Variants in ARL8B observed in about 807,000 individuals in gnomAD.
ARL8B encodes the protein ARF like GTPase 8B, also known as ADP-ribosylation factor-like protein 8B.
A neutral mutation model predicts 30.6 loss-of-function variants in ARL8B; 9 were observed. The ratio of observed to expected loss-of-function variants is 0.29; its 90% CI spans 0.18 to 0.51. The LOEUF is 0.51. Among genes scored for constraint, ARL8B ranks in the 20% least tolerant of loss-of-function variants. The pLI is 0.97. For missense variants in ARL8B, 130 were observed against 227.2 expected (o/e 0.57, Z 2.75); for synonymous variants, 74 against 76.0 (o/e 0.97, Z 0.14).
At position 5,174,434 on chromosome 3, in the gene ARL8B, T is replaced by G; in HGVS notation, c.511+20T>G. 8 of 1,520,458 alleles carry G rather than the reference T, an allele frequency of 5.3e-6. No individual in the cohort carries two copies. The highest frequency in any genetic ancestry group is 7.3e-6 in the Non-Finnish European group (8 of 1,096,346). The allele number at this position is 1,520,458 out of a possible 1,614,324, so 94.2% of individuals were successfully genotyped here. A position where few individuals can be genotyped will look rare whatever the true frequency, so the allele number is the denominator to read the frequency against. On this transcript the variant is annotated intron_variant, in intron 6 of 6. Coordinates refer to ENST00000256496, the MANE Select transcript of ARL8B (RefSeq NM_018184.3). ...ATATAGGTAAGAAATGACTGGTAATTTTGGAAGAAATGGGTATCATTGGAA... is the reference window on the plus strand; with the variant it reads ...ATATAGGTAAGAAATGACTGGTAATGTTGGAAGAAATGGGTATCATTGGAA...
chr3:5,169,571 T>C (rs2054653184), intron 1 of ARL8B, among the ~76,000 whole-genome samples: 1 of 151,566 alleles, frequency 6.6e-6, no homozygotes, highest in Admixed American at 6.6e-5. Context: ...TTTTTTCTTT[T>C]CCTCTTAATA....
chr3:5,177,270 G>A (rs191996484), intron 6 of ARL8B, among the ~76,000 whole-genome samples: 4 of 152,150 alleles, frequency 2.6e-5, no homozygotes, highest in Non-Finnish European at 5.9e-5. Context: ...AGGTTGTCAA[G>A]CCCAAGGAAT....
chr3:5,139,783 C>T (rs769423624), intron 1 of ARL8B, among the ~76,000 whole-genome samples: 17 of 152,166 alleles, frequency 1.1e-4, no homozygotes, highest in South Asian at 4.1e-4. Flanking sequence ...TGAAACTGAA[C>T]GGGAAGCAGA....
chr3:5,173,868 A>C (rs1474421393), intron 4 of ARL8B, 149 bp from the exon 5 acceptor site: 1 of 702,066 alleles, frequency 1.4e-6, no homozygotes, highest in Admixed American at 2.5e-5. Context: ...CAATGAAATG[A>C]ATGAGACAAG....
chr3:5,173,953 A>T (rs1296707055), intron 4 of ARL8B, 64 bp from the exon 5 acceptor site: 25 of 1,184,344 alleles, frequency 2.1e-5, no homozygotes, highest in Admixed American at 3.4e-5. Flanking sequence ...ACATATCAAG[A>T]TGATAAACTT....
chr3:5,169,787 TTA>T (rs1467570247), intron 1 of ARL8B, among the ~76,000 whole-genome samples: 14 of 152,312 alleles, frequency 9.2e-5, no homozygotes, highest in South Asian at 2.1e-4. Context: ...TTATAATGTC[TTA>T]TATAAGTGAA....
Position 5,145,293 on chromosome 3 carries a change from T to C in ARL8B, c.123+22705T>C, listed in dbSNP as rs138907096. Among the ~76,000 whole-genome samples, 12 of 152,316 alleles carry C rather than the reference T, an allele frequency of 7.9e-5. No homozygotes were observed. The East Asian group carries it at 2.1e-3, about 27-fold the overall frequency. ...TTGTTGTTACGACCAAATCTTTTTT[T>C]TCTAGTAATATGGCTTCATATTTTA... On this transcript the variant is annotated intron_variant, in intron 1 of 6. Coordinates refer to ENST00000256496, the MANE Select transcript of ARL8B (RefSeq NM_018184.3).
rs372939870 is a variant in ARL8B at position 5,170,596 on chromosome 3, T to C, written c.204+13T>C. 1.3e-6 allele frequency: 2 copies of C among 1,591,020 alleles called. No homozygotes were observed. The highest frequency in any genetic ancestry group is 1.3e-5 in the African/African-American group (1 of 74,378). ...CGTCACAATAAAGGTAAGTTATTTC[T>C]TGCCGTACGCAATTTAAATTGTTAG... On this transcript the variant is annotated intron_variant, in intron 2 of 6. Transcript: ENST00000256496.
In ARL8B at chr3:5,165,770, AAAGAG is replaced by A. The variant is rs372166492; in HGVS notation, c.124-4730_124-4726del. ...GCTGCTATAGATGGACAGGTCAAGC[AAAGAG>A]AAACTTCATTTCCCATGCTGTTGTT... On this transcript the variant is annotated intron_variant, in intron 1 of 6. Coordinates refer to ENST00000256496, the MANE Select transcript of ARL8B (RefSeq NM_018184.3). Among the ~76,000 whole-genome samples the A allele has an allele frequency of 1.0e-3, 157 of 152,346 alleles. 1 individual carries two copies. The highest frequency in any genetic ancestry group is 3.7e-3 in the African/African-American group (154 of 41,584).
intron 3 of ARL8B, 114 bp downstream of exon 3, chr3:5,172,337 C>A (rs769560550): frequency 2.1e-5 from 19 of 896,536 alleles, no homozygotes; most frequent in Non-Finnish European, 3.3e-5. Flanking sequence ...GAAAATCTTT[C>A]TTAGCTAATA....
intron 1 of ARL8B, among the ~76,000 whole-genome samples, chr3:5,123,446 G>A (rs2054201509): frequency 6.6e-6 from 1 of 152,202 alleles, no homozygotes; most frequent in African/African-American, 2.4e-5. Context: ...GTAGAAAGGT[G>A]ATTGTTTCGT....
intron 1 of ARL8B, among the ~76,000 whole-genome samples, chr3:5,135,414 A>C (rs2054315752): frequency 6.6e-6 from 1 of 151,222 alleles, no homozygotes; most frequent in South Asian, 2.1e-4. Flanking sequence ...CTAAGTGCTG[A>C]GATTGCAGGT....
At chr3:5,141,477 G>A (rs1262455663) in intron 1 of ARL8B, among the ~76,000 whole-genome samples, 1 of 152,114 alleles carries the variant, frequency 6.6e-6, no homozygotes. Context: ...ATTAATCTCT[G>A]TGCTAGTCCC....
chr3:5,169,867 G>C (rs956957520), intron 1 of ARL8B, among the ~76,000 whole-genome samples: 1 of 152,136 alleles, frequency 6.6e-6, no homozygotes, highest in Non-Finnish European at 1.5e-5. Context: ...AGTTAAAAGA[G>C]GCACAATTCG....
At position 5,172,725 on chromosome 3, in the gene ARL8B, G is replaced by A; in HGVS notation, c.357G>A (p.Gln119=). 2 of 1,604,536 alleles carry A rather than the reference G, an allele frequency of 1.2e-6. No homozygotes were observed. The highest frequency in any genetic ancestry group is 1.7e-6 in the Non-Finnish European group (2 of 1,172,828). The change falls in exon 4 of 7, where the codon CAG becomes CAA. Residue 119 remains glutamine, a synonymous_variant. Transcript: ENST00000256496. ...NELHNLLDKP[Q]LQGIPVLVLG... ...TACATAATCTTCTAGATAAACCACA[G>A]TTACAAGGAATTCCAGTAAGTATGG...
At chr3:5,144,483 G>C (rs1196176786) in intron 1 of ARL8B, among the ~76,000 whole-genome samples, 1 of 152,122 alleles carries the variant, frequency 6.6e-6, no homozygotes, top group Non-Finnish European at 1.5e-5. Flanking sequence ...ATTACACAGA[G>C]CCTGGGGTCC....
chr3:5,174,451 T>G (rs1257258355), intron 6 of ARL8B, 37 bp downstream of exon 6: 13 of 1,320,220 alleles, frequency 9.8e-6, no homozygotes, highest in Non-Finnish European at 1.4e-5. Flanking sequence ...GAAATGGGTA[T>G]CATTGGAAGG....
At chr3:5,170,449 A>G in intron 1 of ARL8B, 54 bp from the exon 2 acceptor site, 1 of 1,195,962 alleles carries the variant, frequency 8.4e-7, no homozygotes, top group Non-Finnish European at 1.2e-6. Context: ...TTAGAAGTTT[A>G]TGCAGTGTCA....
At chr3:5,177,350 G>A (rs919393687) in intron 6 of ARL8B, among the ~76,000 whole-genome samples, 3 of 152,032 alleles carry the variant, frequency 2.0e-5, no homozygotes, top group African/African-American at 7.2e-5. Flanking sequence ...GTTCATCTGA[G>A]TATCTTATTT....
Sources: gnomAD v4.1 joint callset for allele counts (sites outside exome capture counted in the v4.1 genomes callset) on GRCh38, gnomAD v4.1.1 for gene constraint, MANE v1.5 for transcripts, NCBI Gene and HGNC (gene_info 2026-07-23, HGNC 2026-07-21) for gene names.